EMC3: variants seen among roughly 807,000 people sequenced by gnomAD.
EMC3 encodes 30 kDa protein.
In EMC3, 13 loss-of-function variants were observed where a neutral mutation model predicts 36.6. That is an observed-to-expected ratio of 0.35 (90% confidence interval 0.23 to 0.56). The LOEUF is 0.56. Ranked by LOEUF, EMC3 falls within the 20% of genes least tolerant of loss-of-function variation. EMC3 has a pLI of 0.84. For synonymous variants in EMC3, 120 were observed against 111.9 expected (o/e 1.07, Z -0.46); for missense variants, 220 against 324.5 (o/e 0.68, Z 2.47).
intron 1 of EMC3, among the ~76,000 whole-genome samples, chr3:9,981,069 G>A (rs537214578): frequency 6.6e-6 from 1 of 152,290 alleles, no homozygotes; most frequent in Non-Finnish European, 1.5e-5. Context: ...GCCAGGTGCA[G>A]TGGCGTGTGC....
chr3:9,999,953 A>T (rs1291533655), intron 1 of EMC3, among the ~76,000 whole-genome samples: 1 of 152,206 alleles, frequency 6.6e-6, no homozygotes, highest in Admixed American at 6.5e-5. Flanking sequence ...TTTCCCCAGT[A>T]TTTAAATATA....
chr3:9,964,280 T>C, intron 7 of EMC3, 83 bp from the exon 8 acceptor site: 1 of 1,557,140 alleles, frequency 6.4e-7, no homozygotes, highest in Non-Finnish European at 8.7e-7. Context: ...CCACTTACTC[T>C]GGGCCAAAAG....
upstream of EMC3, chr3:9,988,618 T>G (rs2086007643): frequency 1.1e-6 from 1 of 903,028 alleles, no homozygotes; most frequent in Non-Finnish European, 1.8e-6. Flanking sequence ...ATGGACACAT[T>G]GGCTCTTAGA....
At chr3:9,965,001 G>A (rs947676400) in intron 7 of EMC3, among the ~76,000 whole-genome samples, 1 of 152,008 alleles carries the variant, frequency 6.6e-6, no homozygotes, top group African/African-American at 2.4e-5. Context: ...TACTCTGGAG[G>A]CTGAGGCTAA....
chr3:10,008,580 G>A, intron 1 of EMC3: 4 of 672,766 alleles, frequency 5.9e-6, no homozygotes, highest in South Asian at 3.0e-5. Flanking sequence ...GATAGTGGGG[G>A]GTGGGTTCAG....
upstream of EMC3, chr3:9,987,368 G>T (rs1364382261): frequency 3.2e-6 from 3 of 927,144 alleles, no homozygotes; most frequent in Non-Finnish European, 3.9e-6. Flanking sequence ...GGGGCTCCGC[G>T]CCCCAAGCCT....
intron 1 of EMC3, chr3:10,003,899 A>G (rs980642823): frequency 6.5e-6 from 1 of 154,060 alleles, no homozygotes; most frequent in Non-Finnish European, 1.4e-5. Context: ...ACCTGAACCC[A>G]GAAAACATCA....
At chr3:9,999,981 A>G (rs2086177017) in intron 1 of EMC3, among the ~76,000 whole-genome samples, 1 of 152,184 alleles carries the variant, frequency 6.6e-6, no homozygotes, top group South Asian at 2.1e-4. Flanking sequence ...AACCAGTTAA[A>G]TAAATCTAAA....
At chr3:9,986,281 T>C (rs1472723675) in intron 1 of EMC3, among the ~76,000 whole-genome samples, 2 of 152,198 alleles carry the variant, frequency 1.3e-5, no homozygotes, top group Non-Finnish European at 2.9e-5. Context: ...GATCCTGTGC[T>C]AAGGGACTTA....
chr3:9,976,076 C>A (rs539669580), intron 3 of EMC3, among the ~76,000 whole-genome samples: 1 of 152,024 alleles, frequency 6.6e-6, no homozygotes, highest in African/African-American at 2.4e-5. Flanking sequence ...CAACACAGAA[C>A]AACAAATTAC....
At chr3:9,997,576 C>T (rs2086142470) in intron 1 of EMC3, among the ~76,000 whole-genome samples, 2 of 152,212 alleles carry the variant, frequency 1.3e-5, no homozygotes, top group Admixed American at 1.3e-4. Flanking sequence ...TCTCTTGCCT[C>T]AGCCTCCTGA....
intron 1 of EMC3, among the ~76,000 whole-genome samples, chr3:10,009,449 G>A (rs2086300691): frequency 6.6e-6 from 1 of 152,188 alleles, no homozygotes; most frequent in South Asian, 2.1e-4. Flanking sequence ...CCAACACCTA[G>A]TCTAGAGCCT....
intron 1 of EMC3, among the ~76,000 whole-genome samples, chr3:9,997,864 G>C (rs1015252079): frequency 3.3e-5 from 5 of 152,114 alleles, no homozygotes; most frequent in Admixed American, 3.3e-4. Flanking sequence ...TATGAGTATT[G>C]GTTTACAAAT....
intron 1 of EMC3, chr3:9,981,861 A>AT (rs1216803071): frequency 3.0e-6 from 1 of 337,020 alleles, no homozygotes; most frequent in Non-Finnish European, 5.7e-6. Flanking sequence ...TCTGAGAACC[A>AT]TTTTTTACAC....
At chr3:9,985,691 C>G (rs545818501) in intron 1 of EMC3, among the ~76,000 whole-genome samples, 1 of 152,148 alleles carries the variant, frequency 6.6e-6, no homozygotes, top group Admixed American at 6.6e-5. Flanking sequence ...AGGTCGAGTT[C>G]GAGAACAGCC....
At chr3:9,980,624 G>C in intron 1 of EMC3, among the ~76,000 whole-genome samples, 1 of 146,054 alleles carries the variant, frequency 6.8e-6, no homozygotes, top group East Asian at 2.1e-4. Flanking sequence ...CTGGACTCTA[G>C]TGATCCACTT....
chr3:10,007,655 GC>G (rs2086279743), intron 1 of EMC3: 1 of 1,352,940 alleles, frequency 7.4e-7, no homozygotes, highest in Non-Finnish European at 9.9e-7. Flanking sequence ...GGGAATGGGG[GC>G]TTTCATAAGG....
At chr3:9,980,884 T>C (rs1179327368) in intron 1 of EMC3, among the ~76,000 whole-genome samples, 2 of 152,124 alleles carry the variant, frequency 1.3e-5, no homozygotes, top group Non-Finnish European at 2.9e-5. Flanking sequence ...GCAAGGCACA[T>C]GATAGGCCAT....
chr3:9,998,132 C>T (rs1236067698), intron 1 of EMC3, among the ~76,000 whole-genome samples: 8 of 151,662 alleles, frequency 5.3e-5, no homozygotes, highest in Non-Finnish European at 1.2e-4. Flanking sequence ...TTTGGGAGGC[C>T]GAGGCGGGCA....
Sources: allele counts gnomAD v4.1 joint callset (sites outside exome capture counted in the v4.1 genomes callset), GRCh38; gene constraint gnomAD v4.1.1; transcripts MANE v1.5; gene names NCBI Gene and HGNC (gene_info 2026-07-23, HGNC 2026-07-21).